MYO16: variants seen among roughly 807,000 people sequenced by gnomAD.
MYO16 encodes the protein unconventional myosin-XVI.
Under a neutral mutation model 205.3 loss-of-function variants are expected in MYO16, and 94 were observed. The ratio of observed to expected loss-of-function variants is 0.46; its 90% confidence interval spans 0.39 to 0.54. MYO16 has a LOEUF of 0.54. Ranked by LOEUF, MYO16 falls within the 20% of genes least tolerant of loss-of-function variation. The pLI is 0.00. For missense variants in MYO16, 2,315 were observed against 2,387.5 expected (o/e 0.97, Z 0.63); for synonymous variants, 988 against 954.0 (o/e 1.04, Z -0.66).
chr13:108,831,192 AG>A (rs1876601994), intron 9 of MYO16, among the ~76,000 whole-genome samples: 1 of 152,160 alleles, frequency 6.6e-6, no homozygotes, highest in Non-Finnish European at 1.5e-5. Flanking sequence ...AGATAAATGT[AG>A]GGGCCACACA....
intron 7 of MYO16, among the ~76,000 whole-genome samples, chr13:108,812,580 G>A (rs750387856): frequency 1.3e-5 from 2 of 152,154 alleles, no homozygotes; most frequent in African/African-American, 2.4e-5. Context: ...CATTTGGGAT[G>A]TATTACTAAA....
intron 32 of MYO16, among the ~76,000 whole-genome samples, chr13:109,161,000 A>G (rs556851768): frequency 1.3e-5 from 2 of 152,298 alleles, no homozygotes; most frequent in African/African-American, 4.8e-5. Flanking sequence ...TTCTGCATTC[A>G]ATCCTCAGTG....
chr13:108,697,598 T>G (rs1883138457), intron 2 of MYO16, among the ~76,000 whole-genome samples: 2 of 152,178 alleles, frequency 1.3e-5, no homozygotes, highest in Admixed American at 1.3e-4. Flanking sequence ...GCTGATGAAA[T>G]AAAAAGAAAA....
chr13:108,652,875 AC>A (rs1881074139), intron 1 of MYO16, among the ~76,000 whole-genome samples: 1 of 152,102 alleles, frequency 6.6e-6, no homozygotes, highest in East Asian at 1.9e-4. Flanking sequence ...TCTCTCCAAC[AC>A]CCTGCTTTCA....
intron 1 of MYO16, among the ~76,000 whole-genome samples, chr13:108,654,777 A>G (rs1260743223): frequency 6.6e-6 from 1 of 152,218 alleles, no homozygotes; most frequent in Non-Finnish European, 1.5e-5. Context: ...GATGGAGATG[A>G]GAAACTTGTT....
chr13:109,194,331 T>G (rs1163618269), intron 34 of MYO16, among the ~76,000 whole-genome samples: 2 of 152,138 alleles, frequency 1.3e-5, no homozygotes, highest in Non-Finnish European at 2.9e-5. Flanking sequence ...CTGACTAAAC[T>G]CAATTGTACC....
At chr13:108,817,719 C>T (rs1326693611) in intron 7 of MYO16, among the ~76,000 whole-genome samples, 1 of 152,176 alleles carries the variant, frequency 6.6e-6, no homozygotes, top group African/African-American at 2.4e-5. Context: ...TCCAGCACAA[C>T]ACAGTTGAGG....
intron 3 of MYO16, among the ~76,000 whole-genome samples, chr13:108,723,149 CA>C (rs112703015): frequency 0.24 from 36,386 of 151,740 alleles, 5,307 homozygotes; most frequent in African/African-American, 0.42. Flanking sequence ...TTTGAACACC[CA>C]TTTTTTTGGT....
At chr13:109,202,886 T>TA (rs924072309) in intron 34 of MYO16, among the ~76,000 whole-genome samples, 1 of 151,948 alleles carries the variant, frequency 6.6e-6, no homozygotes, top group African/African-American at 2.4e-5. Flanking sequence ...AACCCAGAAA[T>TA]ACACCCAAAT....
intron 27 of MYO16, among the ~76,000 whole-genome samples, chr13:109,089,300 A>T (rs1888545666): frequency 6.6e-6 from 1 of 151,592 alleles, no homozygotes; most frequent in African/African-American, 2.4e-5. Flanking sequence ...TGCAGCCTCC[A>T]CCTCCTGGGT....
intron 1 of MYO16, among the ~76,000 whole-genome samples, chr13:108,631,293 A>C (rs553728988): frequency 6.6e-6 from 1 of 152,216 alleles, no homozygotes; most frequent in East Asian, 1.9e-4. Flanking sequence ...GCAGCCATGG[A>C]GCATGGGTGG....
At chr13:108,529,863 A>G in the MYO16 span, among the ~76,000 whole-genome samples, 2 of 152,214 alleles carry the variant, frequency 1.3e-5, no homozygotes, top group Non-Finnish European at 2.9e-5. Context: ...CTGGTAACCC[A>G]CTTGGGTGCC....
At chr13:108,662,220 T>C (rs1353444743) in intron 1 of MYO16, among the ~76,000 whole-genome samples, 1 of 152,218 alleles carries the variant, frequency 6.6e-6, no homozygotes, top group Non-Finnish European at 1.5e-5. Flanking sequence ...TAAGTGTCCT[T>C]GGCTTTGGTG....
chr13:109,173,901 A>AAG (rs1382013814), intron 33 of MYO16, among the ~76,000 whole-genome samples: 3 of 144,394 alleles, frequency 2.1e-5, no homozygotes, highest in African/African-American at 7.8e-5. Context: ...AAAAAAAAAA[A>AAG]AAAAAAAAAA....
chr13:108,657,434 A>G (rs1881294256), intron 1 of MYO16, among the ~76,000 whole-genome samples: 1 of 152,172 alleles, frequency 6.6e-6, no homozygotes, highest in South Asian at 2.1e-4. Context: ...AATGAATGCT[A>G]TACTATTTTG....
upstream of MYO16, among the ~76,000 whole-genome samples, chr13:108,594,685 A>G (rs987026046): frequency 4.6e-5 from 7 of 152,172 alleles, no homozygotes; most frequent in African/African-American, 1.7e-4. Flanking sequence ...ATGCAGGGAC[A>G]CTTCTTTGCA....
At chr13:108,542,676 T>C in the MYO16 span, among the ~76,000 whole-genome samples, 1 of 152,258 alleles carries the variant, frequency 6.6e-6, no homozygotes, top group Non-Finnish European at 1.5e-5. Flanking sequence ...TGGCTATTGA[T>C]GTATGGACTA....
At chr13:108,648,695 G>T (rs1266205999) in intron 1 of MYO16, among the ~76,000 whole-genome samples, 1 of 152,082 alleles carries the variant, frequency 6.6e-6, no homozygotes, top group Non-Finnish European at 1.5e-5. Context: ...TTGGCACAAA[G>T]AAATCGATCT....
chr13:108,807,367 G>C (rs193207588), intron 7 of MYO16, among the ~76,000 whole-genome samples: 1 of 151,870 alleles, frequency 6.6e-6, no homozygotes, highest in Admixed American at 6.6e-5. Flanking sequence ...TGCATTTCAC[G>C]TATTTTAGAA....
Sources: allele counts gnomAD v4.1 joint callset (sites outside exome capture counted in the v4.1 genomes callset), GRCh38; gene constraint gnomAD v4.1.1; transcripts MANE v1.5; gene names NCBI Gene and HGNC (gene_info 2026-07-23, HGNC 2026-07-21).